The following TBL1XR1 variants were observed in gnomAD, a reference collection of about 807,000 sequenced individuals.
TBL1XR1 encodes TBL1X/Y related 1.
In TBL1XR1, 5 loss-of-function variants were observed where a neutral mutation model predicts 66.9. The ratio of observed to expected loss-of-function variants is 0.07; its 90% CI spans 0.04 to 0.16. The LOEUF (loss-of-function observed/expected upper bound fraction) is 0.16. TBL1XR1 is among the 10% of genes least tolerant of loss of function. TBL1XR1 has a pLI of 1.00. For missense variants in TBL1XR1, 238 were observed against 623.2 expected (o/e 0.38, Z 6.58); for synonymous variants, 210 against 206.0 (o/e 1.02, Z -0.17).
chr3:177,183,249 TTAAG>T (rs1369005123), intron 1 of TBL1XR1, among the ~76,000 whole-genome samples: 1 of 152,184 alleles, frequency 6.6e-6, no homozygotes, highest in African/African-American at 2.4e-5. Flanking sequence ...CTGAATAAAA[TTAAG>T]TAATAAAATT....
At chr3:177,037,707 G>A (rs933449886) in intron 12 of TBL1XR1, 7 of 162,862 alleles carry the variant, frequency 4.3e-5, no homozygotes, top group Admixed American at 3.8e-4. Flanking sequence ...CCAGCTTGTA[G>A]ACAGCAGACT....
At chr3:177,034,134 C>T (rs774372925) in intron 13 of TBL1XR1, 64 bp downstream of exon 13, 119 of 1,478,764 alleles carry the variant, frequency 8.0e-5, no homozygotes, top group Non-Finnish European at 1.1e-4. Flanking sequence ...AAACTTCTGT[C>T]ATATCTATTG....
intron 1 of TBL1XR1, among the ~76,000 whole-genome samples, chr3:177,165,475 A>G (rs1732712731): frequency 6.6e-6 from 1 of 152,216 alleles, no homozygotes; most frequent in Non-Finnish European, 1.5e-5. Flanking sequence ...AATTTTGTGG[A>G]TATCAACAAA....
At chr3:177,155,325 G>T (rs1367978220) in intron 1 of TBL1XR1, among the ~76,000 whole-genome samples, 2 of 152,130 alleles carry the variant, frequency 1.3e-5, no homozygotes, top group Non-Finnish European at 2.9e-5. Context: ...ATCAAGATTT[G>T]TATTGTGAAT....
intron 1 of TBL1XR1, among the ~76,000 whole-genome samples, chr3:177,188,943 C>T (rs1735776540): frequency 6.6e-6 from 1 of 152,226 alleles, no homozygotes; most frequent in African/African-American, 2.4e-5. Flanking sequence ...TGCGGTGGCT[C>T]ACGCCTGTAA....
intron 2 of TBL1XR1, among the ~76,000 whole-genome samples, chr3:177,089,372 G>A (rs930525276): frequency 5.9e-5 from 9 of 152,086 alleles, no homozygotes; most frequent in African/African-American, 2.2e-4. Flanking sequence ...AAGCCTAACT[G>A]CCTAACTCCC....
intron 1 of TBL1XR1, among the ~76,000 whole-genome samples, chr3:177,161,930 G>A (rs956081325): frequency 2.0e-5 from 3 of 152,052 alleles, no homozygotes; most frequent in Non-Finnish European, 4.4e-5. Context: ...CACTCAAATA[G>A]CTGAAACTAA....
chr3:177,158,220 GTTTCTTTTCT>G (rs200970246), intron 1 of TBL1XR1, among the ~76,000 whole-genome samples: 1 of 109,662 alleles, frequency 9.1e-6, no homozygotes, highest in Non-Finnish European at 2.2e-5. Context: ...TATAGGATTT[GTTTCTTTTCT>G]TTTTTTTTTT....
chr3:177,106,045 AGAT>A (rs1335012577), intron 1 of TBL1XR1, among the ~76,000 whole-genome samples: 1 of 152,196 alleles, frequency 6.6e-6, no homozygotes, highest in Non-Finnish European at 1.5e-5. Flanking sequence ...GACAAACAAA[AGAT>A]AAACTCAATC....
intron 12 of TBL1XR1, among the ~76,000 whole-genome samples, chr3:177,036,779 A>C (rs1378701695): frequency 6.6e-6 from 1 of 152,174 alleles, no homozygotes; most frequent in Non-Finnish European, 1.5e-5. Context: ...AGTTAAATTT[A>C]ATCTGTTCAT....
At chr3:177,070,198 AAATTT>A (rs1719786406) in intron 2 of TBL1XR1, among the ~76,000 whole-genome samples, 1 of 152,182 alleles carries the variant, frequency 6.6e-6, no homozygotes. Flanking sequence ...CATTAGCTAC[AAATTT>A]ATTTCTTTTT....
Position 177,020,289 on chromosome 3 carries a change from C to T in TBL1XR1, c.*5209G>A, listed in dbSNP as rs1046691242. On this transcript the variant is annotated 3_prime_UTR_variant, in exon 16 of 16. Coordinates refer to ENST00000457928, the MANE Select transcript of TBL1XR1 (RefSeq NM_024665.7). ...CTCTTTTTCAGCTTCTGTGAAATAA[C>T]GTCTTTTAAATACAATATTTATTTT... 2.6e-5 allele frequency: 4 copies of T among 151,808 alleles called. No homozygotes were observed. The highest frequency in any genetic ancestry group is 5.9e-5 in the Non-Finnish European group (4 of 67,954). The allele number at this position is 151,808 out of a possible 1,614,324, so 9.4% of individuals were successfully genotyped here. A position where few individuals can be genotyped will look rare whatever the true frequency, so the allele number is the denominator to read the frequency against.
In TBL1XR1 at chr3:177,064,903, T is replaced by G. The variant is rs1414171894; in HGVS notation, c.58+17A>C. 3 of 1,473,270 alleles carry G rather than the reference T, an allele frequency of 2.0e-6. No individual in the cohort carries two copies. The highest frequency in any genetic ancestry group is 1.8e-6 in the Non-Finnish European group (2 of 1,087,076). The allele number at this position is 1,473,270 out of a possible 1,614,324, so 91.3% of individuals were successfully genotyped here. On this transcript the variant is annotated intron_variant, in intron 3 of 15. Transcript: ENST00000457928. Reference sequence around the variant, plus strand: ...TTAAAATAATTTGAGGCCTATTTACTTTATAAAAGTACTCACCTGACTCTT... The same window carrying G: ...TTAAAATAATTTGAGGCCTATTTACGTTATAAAAGTACTCACCTGACTCTT...
At chr3:177,152,891 T>C (rs992688336) in intron 1 of TBL1XR1, among the ~76,000 whole-genome samples, 4 of 152,168 alleles carry the variant, frequency 2.6e-5, no homozygotes, top group Admixed American at 2.0e-4. Flanking sequence ...AAGCTGGTGC[T>C]ACCCAACAGA....
intron 2 of TBL1XR1, among the ~76,000 whole-genome samples, chr3:177,088,999 C>T (rs1010694186): frequency 2.6e-5 from 4 of 152,152 alleles, no homozygotes; most frequent in African/African-American, 9.7e-5. Context: ...ATCATTGACT[C>T]CTCGCTATGT....
At chr3:177,084,234 A>G (rs1721847598) in intron 2 of TBL1XR1, among the ~76,000 whole-genome samples, 2 of 152,216 alleles carry the variant, frequency 1.3e-5, no homozygotes, top group Admixed American at 6.5e-5. Context: ...AACATTGCCA[A>G]TGCCTTAGAA....
intron 2 of TBL1XR1, among the ~76,000 whole-genome samples, chr3:177,096,485 T>C (rs1048772774): frequency 1.3e-5 from 2 of 152,196 alleles, no homozygotes; most frequent in East Asian, 1.9e-4. Flanking sequence ...GAGTAACACA[T>C]AAAAATTTTT....
At chr3:177,049,142 C>G (rs752007151) in intron 7 of TBL1XR1, among the ~76,000 whole-genome samples, 7 of 152,122 alleles carry the variant, frequency 4.6e-5, no homozygotes, top group African/African-American at 7.2e-5. Context: ...AAACTGAGAA[C>G]TTTAGTGGGG....
At chr3:177,149,176 A>C (rs761805807) in intron 1 of TBL1XR1, among the ~76,000 whole-genome samples, 111 of 152,208 alleles carry the variant, frequency 7.3e-4, no homozygotes, top group Non-Finnish European at 1.4e-3. Flanking sequence ...TGCAATGCGG[A>C]GTACCTGTCA....
Sources: allele counts gnomAD v4.1 joint callset (sites outside exome capture counted in the v4.1 genomes callset), GRCh38; gene constraint gnomAD v4.1.1; transcripts MANE v1.5; gene names NCBI Gene and HGNC (gene_info 2026-07-23, HGNC 2026-07-21).